NCBP3: variants seen among roughly 807,000 people sequenced by gnomAD.
NCBP3 encodes the protein nuclear cap-binding protein subunit 3.
Under a neutral mutation model 75.7 loss-of-function variants are expected in NCBP3, and 20 were observed. That is an observed-to-expected ratio of 0.26 (90% CI 0.19 to 0.38). The LOEUF is 0.38. Among genes scored for constraint, NCBP3 ranks in the 10% least tolerant of loss-of-function variants. The pLI, the probability that NCBP3 is intolerant of heterozygous loss-of-function variation, is 1.00. For missense variants in NCBP3, 678 were observed against 796.9 expected, an observed-to-expected ratio of 0.85 and a Z score of 1.80; for synonymous variants, 293 against 290.5, an observed-to-expected ratio of 1.01 and a Z score of -0.09.
chr17:3,803,542 A>G lies in NCBP3; in HGVS notation c.*9502T>C, dbSNP rs2053299917. 2.0e-5 allele frequency: 3 copies of G among 152,218 alleles called. No homozygotes were observed. The highest frequency in any genetic ancestry group is 7.2e-5 in the African/African-American group (3 of 41,456). 9.4% of individuals were successfully genotyped at this position (152,218 alleles called of 1,614,324 possible). ...AAATGTTCACTAAAACATCTTACGG[A>G]TAAACGAGCATGATGTATACAAATA... is the stretch of plus-strand genomic sequence containing the variant. On this transcript the variant is annotated 3_prime_UTR_variant, in exon 13 of 13. Coordinates refer to ENST00000389005, the MANE Select transcript of NCBP3 (RefSeq NM_001114118.3).
chr17:3,832,498 GC>G lies in NCBP3; in HGVS notation c.356-3131del, dbSNP rs1264214143. Among the ~76,000 whole-genome samples, 8 of 119,510 alleles carry G rather than the reference GC, an allele frequency of 6.7e-5. 1 individual carries two copies. The highest frequency in any genetic ancestry group is 2.0e-4 in the African/African-American group (8 of 39,434). The allele number at this position is 119,510 out of a possible 152,430, so 78.4% of individuals were successfully genotyped here. ...ACAAAACAATTAGCCAGGTGTGGTGGCAGGCACCTGTAGTCCCAGCTACTCG... is the reference window on the plus strand; with the variant it reads ...ACAAAACAATTAGCCAGGTGTGGTGGAGGCACCTGTAGTCCCAGCTACTCG... On this transcript the variant is annotated intron_variant, in intron 3 of 12. Transcript: ENST00000389005.
At chr17:3,822,280 C>A in intron 7 of NCBP3, 1 of 410,340 alleles carries the variant, frequency 2.4e-6, no homozygotes. Context: ...CTGTTTGGAG[C>A]CAGATGACTT....
At chr17:3,819,904 A>G (rs921450531) in intron 9 of NCBP3, among the ~76,000 whole-genome samples, 3 of 152,218 alleles carry the variant, frequency 2.0e-5, no homozygotes, top group Non-Finnish European at 4.4e-5. Flanking sequence ...AAAATATTTT[A>G]AAGTAACTCA....
At chr17:3,819,139 G>A (rs1308156991) in intron 9 of NCBP3, among the ~76,000 whole-genome samples, 1 of 152,162 alleles carries the variant, frequency 6.6e-6, no homozygotes, top group Non-Finnish European at 1.5e-5. Context: ...GATGCAAGGG[G>A]GCTGTGATGT....
In NCBP3 at chr17:3,811,366, TCTCA is replaced by T. The variant is rs2053410278; in HGVS notation, c.*1674_*1677del. The T allele has an allele frequency of 6.6e-6, 1 of 152,104 alleles. No individual in the cohort carries two copies. Among genetic ancestry groups the T allele is most frequent in the Non-Finnish European group, 1.5e-5 (1 of 68,038 alleles). The allele number at this position is 152,104 out of a possible 1,614,324, so 9.4% of individuals were successfully genotyped here. ...TCACAGGGAAAGAAAAGCTGAGAAA[TCTCA>T]GATGTCTTAAGTCTCAACTGGCAGA... On this transcript the variant is annotated 3_prime_UTR_variant, in exon 13 of 13. Coordinates refer to ENST00000389005, the MANE Select transcript of NCBP3 (RefSeq NM_001114118.3).
chr17:3,816,393 C>G (rs2053533433), intron 10 of NCBP3, 123 bp from the exon 11 acceptor site: 1 of 810,794 alleles, frequency 1.2e-6, no homozygotes, highest in African/African-American at 1.7e-5. Context: ...GGCCAACATT[C>G]ACTTACAAAT....
chr17:3,841,487 G>A (rs535547449), intron 2 of NCBP3, among the ~76,000 whole-genome samples: 2 of 151,980 alleles, frequency 1.3e-5, no homozygotes, highest in East Asian at 3.9e-4. Flanking sequence ...CCATATACCT[G>A]TGTCATATAA....
Position 3,812,620 on chromosome 17 carries a change from A to G in NCBP3, c.*424T>C. 9.8e-7 allele frequency: 1 copy of G among 1,018,584 alleles called. No homozygotes were observed. Among genetic ancestry groups the G allele is most frequent in the Non-Finnish European group, 1.2e-6 (1 of 849,922 alleles). 63.1% of individuals were successfully genotyped at this position (1,018,584 alleles called of 1,614,324 possible). A position where few individuals can be genotyped will look rare whatever the true frequency, so the allele number is the denominator to read the frequency against. ...AAGGATGTCCAATAAGCACCTGGGAATTGACTTTTCTTGGGAAAAGGGTGC... is the reference window on the plus strand; with the variant it reads ...AAGGATGTCCAATAAGCACCTGGGAGTTGACTTTTCTTGGGAAAAGGGTGC... On this transcript the variant is annotated 3_prime_UTR_variant, in exon 13 of 13. Transcript: ENST00000389005.
chr17:3,815,996 G>C lies in NCBP3; in HGVS notation c.1465+120C>G, dbSNP rs916556350. 4 of 891,204 alleles carry C rather than the reference G, an allele frequency of 4.5e-6. No individual in the cohort carries two copies. The African/African-American group carries it at 7.0e-5, about 16-fold the overall frequency. 55.2% of individuals were successfully genotyped at this position (891,204 alleles called of 1,614,324 possible). On this transcript the variant is annotated intron_variant, in intron 11 of 12. Coordinates refer to ENST00000389005, the MANE Select transcript of NCBP3 (RefSeq NM_001114118.3). ...AACACCTAGCCCACAATTTAGACAT[G>C]ATGAACCAGGACAGCTAAATCAGTT... is the stretch of plus-strand genomic sequence containing the variant.
chr17:3,843,101 A>G lies in NCBP3; in HGVS notation c.234T>C (p.Ile78=), dbSNP rs2054095228. ...CCTGTCTTACCTTGGAGGTGACATCAATTCCAGTGATGAAGCTGCCAGCCT... is the reference window on the plus strand; with the variant it reads ...CCTGTCTTACCTTGGAGGTGACATCGATTCCAGTGATGAAGCTGCCAGCCT... The part of the protein sequence containing the change: ...ENKAGSFITG[I]DVTSKEAIEK... Residue 78 remains isoleucine, a synonymous_variant, in exon 2 of 13, where the codon ATT becomes ATC. Transcript: ENST00000389005. The G allele has an allele frequency of 7.1e-6, 11 of 1,551,492 alleles. No individual in the cohort carries two copies. In the East Asian group the frequency reaches 2.7e-4, roughly 38 times the overall value.
intron 11 of NCBP3, among the ~76,000 whole-genome samples, chr17:3,815,138 G>T (rs574359126): frequency 1.6e-4 from 24 of 152,232 alleles, no homozygotes; most frequent in Non-Finnish European, 3.2e-4. Context: ...AGACTATCCT[G>T]TTCTTTATCC....
rs2054162045 is a variant in NCBP3 at position 3,846,195 on chromosome 17, G to A, written c.29C>T (p.Ser10Leu). 6 of 1,504,886 alleles carry A rather than the reference G, an allele frequency of 4.0e-6. No homozygotes were observed. The highest frequency in any genetic ancestry group is 1.2e-5 in the South Asian group (1 of 80,040). 93.2% of individuals were successfully genotyped at this position (1,504,886 alleles called of 1,614,324 possible). The change falls in exon 1 of 13, where the codon TCG becomes TTG. Residue 10 changes from serine (S) to leucine (L), a missense_variant. Coordinates refer to ENST00000389005, the MANE Select transcript of NCBP3 (RefSeq NM_001114118.3). The surrounding 1 kb of genome is among the most constrained non-coding windows in gnomAD (Gnocchi z 4.6). ...CCCCGCCGGGGCCTCCGCCTTCACCGACACCCGCAGGCCCCGTACGGCCGC... is the reference window on the plus strand; with the variant it reads ...CCCCGCCGGGGCCTCCGCCTTCACCAACACCCGCAGGCCCCGTACGGCCGC... MAAVRGLRV[S>L]VKAEAPAGPA...
chr17:3,805,858 G>A lies in NCBP3; in HGVS notation c.*7186C>T, dbSNP rs2053331702. 1 of 152,354 alleles carries A rather than the reference G, an allele frequency of 6.6e-6. No individual in the cohort carries two copies. Among genetic ancestry groups the A allele is most frequent in the Non-Finnish European group, 1.5e-5 (1 of 68,154 alleles). The allele number at this position is 152,354 out of a possible 1,614,324, so 9.4% of individuals were successfully genotyped here. A position where few individuals can be genotyped will look rare whatever the true frequency, so the allele number is the denominator to read the frequency against. On this transcript the variant is annotated 3_prime_UTR_variant, in exon 13 of 13. Transcript: ENST00000389005. The stretch of plus-strand genomic sequence containing the variant: ...TGACAGACAGGGAAGCTGAGGCCCA[G>A]GGAGGTGAGGGGACTTGCTCAGTCT...
At chr17:3,845,059 G>A (rs545827563) in intron 1 of NCBP3, among the ~76,000 whole-genome samples, 2 of 152,252 alleles carry the variant, frequency 1.3e-5, no homozygotes, top group East Asian at 3.9e-4. Context: ...GGGAAAGGGG[G>A]GACCTCAAAG....
chr17:3,840,414 A>T (rs2054043938), intron 2 of NCBP3, among the ~76,000 whole-genome samples: 1 of 152,212 alleles, frequency 6.6e-6, no homozygotes, highest in Admixed American at 6.5e-5. Flanking sequence ...ACCATCTCCG[A>T]CATAACACAG....
At position 3,846,151 on chromosome 17, in the gene NCBP3, A is replaced by G. The variant is rs751453681; in HGVS notation, c.73T>C (p.Ser25Pro). ...TCAACACCGGACTCCGCCTCAGGGGACGGGAGCCCCAGGGCCGGCCCCGCC... is the reference window on the plus strand; with the variant it reads ...TCAACACCGGACTCCGCCTCAGGGGGCGGGAGCCCCAGGGCCGGCCCCGCC... ...APAGPALGLP[S>P]PEAESGVDRG... The change falls in exon 1 of 13, where the codon TCC (serine) becomes CCC (proline). Residue 25 changes from serine (S) to proline (P), a missense_variant. Ser to Pro is a moderately conservative substitution (Grantham distance 74). Transcript: ENST00000389005. This position sits in a 1 kb window ranked among gnomAD's most constrained non-coding sequence, Gnocchi z 4.6. The G allele has an allele frequency of 3.8e-5, 58 of 1,537,792 alleles. No homozygotes were observed. The highest frequency in any genetic ancestry group is 1.7e-4 in the Middle Eastern group (1 of 5,780).
At chr17:3,841,997 G>A (rs908906065) in intron 2 of NCBP3, among the ~76,000 whole-genome samples, 1 of 151,918 alleles carries the variant, frequency 6.6e-6, no homozygotes, top group African/African-American at 2.4e-5. Flanking sequence ...GTCTAAAACG[G>A]AACATCACTG....
At chr17:3,831,223 T>C (rs1243135664) in intron 3 of NCBP3, among the ~76,000 whole-genome samples, 5 of 151,586 alleles carry the variant, frequency 3.3e-5, no homozygotes, top group African/African-American at 1.2e-4. Flanking sequence ...TTTTACTACA[T>C]ATTTTAAGTA....
chr17:3,840,255 T>G (rs2054041037), intron 2 of NCBP3, 50 bp from the exon 3 acceptor site: 2 of 1,425,782 alleles, frequency 1.4e-6, no homozygotes. Flanking sequence ...GAAGGCGAGT[T>G]AAATCACACA....
Sources: allele counts gnomAD v4.1 joint callset (sites outside exome capture counted in the v4.1 genomes callset), GRCh38; gene constraint gnomAD v4.1.1; non-coding constraint Gnocchi (gnomAD v3.1); transcripts MANE v1.5; gene names NCBI Gene and HGNC (gene_info 2026-07-23, HGNC 2026-07-21).